The following MAST2 variants were observed in gnomAD, a reference collection of about 807,000 sequenced individuals.
The protein encoded by MAST2 is microtubule-associated serine/threonine-protein kinase 2.
In MAST2, 70 loss-of-function variants were observed where a neutral mutation model predicts 147.4. The ratio of observed to expected loss-of-function variants is 0.47; its 90% CI spans 0.39 to 0.58. The LOEUF is 0.58. MAST2 is among the 20% of genes least tolerant of loss of function. The pLI, the probability that MAST2 is intolerant of heterozygous loss-of-function variation, is 0.00. For synonymous variants in MAST2, 869 were observed against 896.8 expected, an observed-to-expected ratio of 0.97 and a Z score of 0.55; for missense variants, 2,080 against 2,302.3, an observed-to-expected ratio of 0.90 and a Z score of 1.98.
chr1:45,833,082 A>C (rs1049663235), intron 3 of MAST2, among the ~76,000 whole-genome samples: 18 of 152,118 alleles, frequency 1.2e-4, no homozygotes, highest in Non-Finnish European at 2.9e-5. Context: ...CACTTAGTCT[A>C]ATGTCTTCAA....
chr1:46,024,206 CCAGCAG>C, intron 15 of MAST2: 1 of 533,098 alleles, frequency 1.9e-6, no homozygotes. Context: ...ATGTAGCAGG[CCAGCAG>C]CTATAGAATC....
At position 46,014,193 on chromosome 1, in the gene MAST2, A is replaced by G. The variant is rs551288050; in HGVS notation, c.1188+3254A>G. 1.4e-3 allele frequency among the ~76,000 whole-genome samples: 218 copies of G among 151,838 alleles called. 1 individual carries two copies. The highest frequency in any genetic ancestry group is 4.7e-3 in the African/African-American group (193 of 41,378). On this transcript the variant is annotated intron_variant, in intron 10 of 28. Coordinates refer to ENST00000361297, the MANE Select transcript of MAST2 (RefSeq NM_015112.3). ...TTTTTCTTTTTTTTATTATTATTAT[A>G]CTTTAAGTTTTAGGGTACATGTGCA...
At chr1:45,829,823 A>T (rs1042298034) in intron 3 of MAST2, among the ~76,000 whole-genome samples, 1 of 151,482 alleles carries the variant, frequency 6.6e-6, no homozygotes, top group Non-Finnish European at 1.5e-5. Context: ...AGTAGCAGGG[A>T]CTACAGGTAC....
chr1:45,932,142 A>T (rs1655417042), intron 4 of MAST2, among the ~76,000 whole-genome samples: 1 of 152,078 alleles, frequency 6.6e-6, no homozygotes. Context: ...TCCCTTTGTA[A>T]TTAATAAGTA....
At chr1:46,003,015 G>T (rs905900565) in intron 7 of MAST2, 132 bp downstream of exon 7, 12 of 902,852 alleles carry the variant, frequency 1.3e-5, no homozygotes, top group Non-Finnish European at 2.1e-5. Context: ...GAGAGATGAT[G>T]TTGGGTGCAA....
intron 19 of MAST2, 68 bp from the exon 20 acceptor site, chr1:46,029,763 C>T: frequency 1.3e-6 from 2 of 1,580,254 alleles, no homozygotes; most frequent in Non-Finnish European, 1.7e-6. Context: ...TGGCTTCTTG[C>T]TAGATTTGCT....
At chr1:45,853,448 G>T (rs1033513023) in intron 3 of MAST2, among the ~76,000 whole-genome samples, 1 of 151,750 alleles carries the variant, frequency 6.6e-6, no homozygotes, top group Non-Finnish European at 1.5e-5. Flanking sequence ...TCTACCTCCT[G>T]GGTTCAAGTG....
intron 4 of MAST2, among the ~76,000 whole-genome samples, chr1:45,888,804 C>T (rs1020813023): frequency 6.6e-6 from 1 of 151,134 alleles, no homozygotes; most frequent in Non-Finnish European, 1.5e-5. Flanking sequence ...GCCTCAGCCT[C>T]CCCAGTAGCT....
intron 8 of MAST2, among the ~76,000 whole-genome samples, chr1:46,008,088 A>T (rs1645562063): frequency 6.6e-6 from 1 of 152,160 alleles, no homozygotes; most frequent in Non-Finnish European, 1.5e-5. Context: ...GTGAAAACCA[A>T]GCCTAGCTCC....
intron 4 of MAST2, among the ~76,000 whole-genome samples, chr1:45,925,097 T>C (rs1282509663): frequency 6.6e-6 from 1 of 152,210 alleles, no homozygotes; most frequent in East Asian, 1.9e-4. Context: ...TCCCCTTGCA[T>C]CATAGTGTAG....
intron 4 of MAST2, among the ~76,000 whole-genome samples, chr1:45,898,126 A>T (rs949440205): frequency 2.0e-5 from 3 of 152,028 alleles, no homozygotes; most frequent in African/African-American, 7.2e-5. Flanking sequence ...CAAACAAACG[A>T]AACCAAAAAA....
chr1:45,878,638 A>G (rs1249689884), intron 3 of MAST2, among the ~76,000 whole-genome samples: 1 of 152,168 alleles, frequency 6.6e-6, no homozygotes, highest in East Asian at 1.9e-4. Flanking sequence ...ATGATTAATA[A>G]TAATTTTACC....
At chr1:45,950,694 G>C (rs1221491357) in intron 4 of MAST2, among the ~76,000 whole-genome samples, 1 of 152,124 alleles carries the variant, frequency 6.6e-6, no homozygotes, top group Non-Finnish European at 1.5e-5. Flanking sequence ...CAGCTTCACT[G>C]AAGGTAAGTT....
In MAST2 at chr1:46,023,135, T is replaced by TA; in HGVS notation, c.1486-97dup. The TA allele has an allele frequency of 1.6e-6, 2 of 1,280,430 alleles. No homozygotes were observed. The allele number at this position is 1,280,430 out of a possible 1,614,324, so 79.3% of individuals were successfully genotyped here. A position where few individuals can be genotyped will look rare whatever the true frequency, so the allele number is the denominator to read the frequency against. On this transcript the variant is annotated intron_variant, in intron 13 of 28. Transcript: ENST00000361297. This position sits in a 1 kb window ranked among gnomAD's most constrained non-coding sequence, Gnocchi z 4.9. The stretch of plus-strand genomic sequence containing the variant: ...CAGAAGAATGAGCAGGAGACTGCAC[T>TA]AGAGCTGACAGCTGAGAAGATGCTA...
chr1:45,889,061 C>T (rs893713528), intron 4 of MAST2, among the ~76,000 whole-genome samples: 1 of 152,156 alleles, frequency 6.6e-6, no homozygotes, highest in African/African-American at 2.4e-5. Context: ...CTGCCATAAC[C>T]TCCTAACTGG....
chr1:46,015,262 A>G (rs1437643990), intron 10 of MAST2, among the ~76,000 whole-genome samples: 2 of 152,146 alleles, frequency 1.3e-5, no homozygotes, highest in Non-Finnish European at 2.9e-5. Flanking sequence ...CACAATTAAA[A>G]GAACTAGAAA....
intron 1 of MAST2, among the ~76,000 whole-genome samples, chr1:45,817,956 G>A (rs10890352): frequency 0.45 from 67,674 of 151,992 alleles, 15,273 homozygotes; most frequent in East Asian, 0.62. Context: ...GGGATTTGAC[G>A]AACTCTTGGA....
intron 4 of MAST2, among the ~76,000 whole-genome samples, chr1:45,900,173 C>CTAAAAAAAAAAAAAA (rs1491525511): frequency 1.8e-5 from 1 of 54,106 alleles, no homozygotes; most frequent in African/African-American, 8.8e-5. Context: ...CTCTCTCTCT[C>CTAAAAAAAAAAAAAA]AAAAAAAAAA....
chr1:45,972,946 C>T (rs1430878940), intron 5 of MAST2, among the ~76,000 whole-genome samples: 1 of 152,188 alleles, frequency 6.6e-6, no homozygotes, highest in African/African-American at 2.4e-5. Flanking sequence ...AGCATTGGGT[C>T]TAGTAGTAAG....
Sources: gnomAD v4.1 joint callset for allele counts (sites outside exome capture counted in the v4.1 genomes callset) on GRCh38, gnomAD v4.1.1 for gene constraint, Gnocchi (gnomAD v3.1) non-coding constraint, MANE v1.5 for transcripts, NCBI Gene and HGNC (gene_info 2026-07-23, HGNC 2026-07-21) for gene names.